FOXP1: variants seen among roughly 807,000 people sequenced by gnomAD.
The protein encoded by FOXP1 is forkhead box P1, also known as forkhead box protein P1.
FOXP1 carries 15 observed loss-of-function variants against 98.2 expected under a neutral mutation model. That is an observed-to-expected ratio of 0.15 (90% CI 0.10 to 0.24). The LOEUF (loss-of-function observed/expected upper bound fraction) is 0.24. Ranked by LOEUF, FOXP1 falls within the 10% of genes least tolerant of loss-of-function variation. The pLI is 1.00. For synonymous variants in FOXP1, 371 were observed against 314.5 expected, an observed-to-expected ratio of 1.18 and a Z score of -1.90; for missense variants, 633 against 848.5, an observed-to-expected ratio of 0.75 and a Z score of 3.15.
intron 10 of FOXP1, 147 bp from the exon 11 acceptor site, chr3:71,041,679 G>T: frequency 1.4e-6 from 1 of 736,310 alleles, no homozygotes; most frequent in Non-Finnish European, 2.4e-6. Flanking sequence ...CCCAACTACG[G>T]CAGATGCGGT....
At chr3:71,068,731 C>T (rs1474828266) in intron 7 of FOXP1, among the ~76,000 whole-genome samples, 1 of 152,174 alleles carries the variant, frequency 6.6e-6, no homozygotes, top group African/African-American at 2.4e-5. Flanking sequence ...TAAAGAGATT[C>T]AACCAACTGA....
At chr3:71,253,191 CAGAAGTCACTT>C (rs1560190433) in intron 5 of FOXP1, among the ~76,000 whole-genome samples, 1 of 152,102 alleles carries the variant, frequency 6.6e-6, no homozygotes. Context: ...CCATGTTAAA[CAGAAGTCACTT>C]AGAAACATTA....
At chr3:71,367,265 C>CA (rs1402172967) in intron 3 of FOXP1, among the ~76,000 whole-genome samples, 1 of 152,072 alleles carries the variant, frequency 6.6e-6, no homozygotes, top group South Asian at 2.1e-4. Flanking sequence ...TCCCCACAGC[C>CA]AAAAAACCCA....
intron 2 of FOXP1, among the ~76,000 whole-genome samples, chr3:71,526,174 C>T (rs530128986): frequency 2.6e-5 from 4 of 151,982 alleles, no homozygotes; most frequent in Middle Eastern, 3.4e-3. Flanking sequence ...ACAAGAGTAC[C>T]GGTGGTACTA....
intron 7 of FOXP1, among the ~76,000 whole-genome samples, chr3:71,098,787 G>A (rs1401458157): frequency 1.3e-5 from 2 of 152,152 alleles, no homozygotes; most frequent in Non-Finnish European, 2.9e-5. Context: ...ATTAATTCAT[G>A]TAAAATTCTG....
chr3:71,014,002 AGAT>A (rs1489648426), intron 12 of FOXP1, among the ~76,000 whole-genome samples: 1 of 152,244 alleles, frequency 6.6e-6, no homozygotes, highest in Non-Finnish European at 1.5e-5. Context: ...AATTAATTCA[AGAT>A]GGATTAAAGA....
intron 3 of FOXP1, among the ~76,000 whole-genome samples, chr3:71,416,257 T>C (rs371833760): frequency 6.6e-6 from 1 of 152,054 alleles, no homozygotes; most frequent in African/African-American, 2.4e-5. Flanking sequence ...GGTCAGGGGC[T>C]GGGCACAGTG....
chr3:70,987,494 A>AG (rs1163803859), intron 14 of FOXP1, among the ~76,000 whole-genome samples: 1 of 152,348 alleles, frequency 6.6e-6, no homozygotes, highest in South Asian at 2.1e-4. Context: ...TCCATAATTT[A>AG]GCCTCTGACT....
At chr3:71,530,979 A>T (rs1462152023) in intron 2 of FOXP1, among the ~76,000 whole-genome samples, 1 of 152,222 alleles carries the variant, frequency 6.6e-6, no homozygotes, top group Non-Finnish European at 1.5e-5. Context: ...ATGGAAGTAG[A>T]TCATAATTTT....
intron 2 of FOXP1, among the ~76,000 whole-genome samples, chr3:71,518,421 C>T (rs938132689): frequency 6.6e-6 from 1 of 152,156 alleles, no homozygotes; most frequent in Non-Finnish European, 1.5e-5. Context: ...AAGCACTATC[C>T]TTGCCCTCTA....
Position 71,375,802 on chromosome 3 carries a change from C to T in FOXP1, c.-167-16558G>A, listed in dbSNP as rs550398343. On this transcript the variant is annotated intron_variant, in intron 3 of 20. Coordinates refer to ENST00000649528, the MANE Select transcript of FOXP1 (RefSeq NM_001349338.3). Reference sequence around the variant, plus strand: ...ACATCATGACTTTTACAAAATCAGACGATTCCTTAGAAGGAAACGGACTTG... The same window carrying T: ...ACATCATGACTTTTACAAAATCAGATGATTCCTTAGAAGGAAACGGACTTG... Among the ~76,000 whole-genome samples, 29 of 152,158 alleles carry T rather than the reference C, an allele frequency of 1.9e-4. 1 individual carries two copies. Among genetic ancestry groups the T allele is most frequent in the Non-Finnish European group, 3.4e-4 (23 of 68,028 alleles).
intron 11 of FOXP1, among the ~76,000 whole-genome samples, chr3:71,031,350 T>C (rs1362556077): frequency 6.6e-6 from 1 of 152,252 alleles, no homozygotes; most frequent in Non-Finnish European, 1.5e-5. Flanking sequence ...TAGGGAAGTC[T>C]TACAGGTAGT....
At chr3:71,105,093 C>T (rs1225029539) in intron 7 of FOXP1, among the ~76,000 whole-genome samples, 2 of 152,196 alleles carry the variant, frequency 1.3e-5, no homozygotes, top group Non-Finnish European at 2.9e-5. Flanking sequence ...ACATCTTCAA[C>T]TCAGCTGTAT....
chr3:71,187,553 A>G (rs867304474), intron 6 of FOXP1, among the ~76,000 whole-genome samples: 18 of 152,240 alleles, frequency 1.2e-4, no homozygotes, highest in Admixed American at 2.6e-4. Flanking sequence ...ATTGCACTCC[A>G]GCCTGGGCGA....
At chr3:71,422,043 G>A (rs1432416435) in intron 3 of FOXP1, among the ~76,000 whole-genome samples, 1 of 152,092 alleles carries the variant, frequency 6.6e-6, no homozygotes. Context: ...CAGTCACCCC[G>A]CAATTGGGAT....
At position 71,182,532 on chromosome 3, in the gene FOXP1, GTATA is replaced by G. The variant is rs145364390; in HGVS notation, c.180+15666_180+15669del. The stretch of plus-strand genomic sequence containing the variant: ...TGTGTGTGTGTGTGTGTGTGTGTGT[GTATA>G]TATGTATATATTCTTTTTTTTTTTT... On this transcript the variant is annotated intron_variant, in intron 6 of 20. Coordinates refer to ENST00000649528, the MANE Select transcript of FOXP1 (RefSeq NM_001349338.3). 6.9e-4 allele frequency among the ~76,000 whole-genome samples: 77 copies of G among 111,574 alleles called. 2 individuals carry two copies. The Middle Eastern group carries it at 0.029, about 43-fold the overall frequency. 73.2% of individuals were successfully genotyped at this position (111,574 alleles called of 152,430 possible). A position where few individuals can be genotyped will look rare whatever the true frequency, so the allele number is the denominator to read the frequency against.
intron 7 of FOXP1, among the ~76,000 whole-genome samples, chr3:71,068,290 C>A (rs896645044): frequency 1.3e-5 from 2 of 152,176 alleles, no homozygotes; most frequent in African/African-American, 4.8e-5. Flanking sequence ...GGACTAAAAT[C>A]ATGTATTATA....
intron 2 of FOXP1, among the ~76,000 whole-genome samples, chr3:71,565,591 A>G (rs1332316028): frequency 6.6e-6 from 1 of 152,250 alleles, no homozygotes; most frequent in Non-Finnish European, 1.5e-5. Flanking sequence ...GGCAGCTTAT[A>G]CTTGGTATAG....
At chr3:71,480,545 T>G (rs9847306) in intron 3 of FOXP1, among the ~76,000 whole-genome samples, 11,075 of 152,258 alleles carry the variant, frequency 0.073, 496 homozygotes, top group African/African-American at 0.12. Context: ...TTAAGTGAAT[T>G]ATATCTAAAT....
Sources: allele counts gnomAD v4.1 joint callset (sites outside exome capture counted in the v4.1 genomes callset), GRCh38; gene constraint gnomAD v4.1.1; transcripts MANE v1.5; gene names NCBI Gene and HGNC (gene_info 2026-07-23, HGNC 2026-07-21).